DHX40: variants seen among roughly 807,000 people sequenced by gnomAD.
DHX40 encodes the protein DEAH-box helicase 40.
DHX40 carries 28 observed loss-of-function variants against 89.6 expected under a neutral mutation model. The ratio of observed to expected loss-of-function variants is 0.31; its 90% confidence interval spans 0.23 to 0.43. DHX40 has a LOEUF of 0.43. Among genes scored for constraint, DHX40 ranks in the 20% least tolerant of loss-of-function variants. The pLI, the probability that DHX40 is intolerant of heterozygous loss-of-function variation, is 1.00. For synonymous variants in DHX40, 226 were observed against 283.6 expected (o/e 0.80, Z 2.04); for missense variants, 457 against 844.0 (o/e 0.54, Z 5.68).
intron 12 of DHX40, among the ~76,000 whole-genome samples, chr17:59,594,654 T>G (rs1238403002): frequency 1.1e-4 from 16 of 151,406 alleles, no homozygotes; most frequent in Middle Eastern, 6.8e-3. Context: ...GAACTACCAC[T>G]GAGCTGCTGA....
chr17:59,600,216 T>C (rs1243602593), intron 14 of DHX40, among the ~76,000 whole-genome samples: 1 of 152,128 alleles, frequency 6.6e-6, no homozygotes, highest in Non-Finnish European at 1.5e-5. Context: ...CATGATACAG[T>C]AAGTCCTCAC....
chr17:59,602,852 G>A (rs1030458669), intron 15 of DHX40, among the ~76,000 whole-genome samples: 1 of 152,112 alleles, frequency 6.6e-6, no homozygotes, highest in African/African-American at 2.4e-5. Flanking sequence ...TGTCCAGCAT[G>A]GGTTATCTTC....
At chr17:59,594,251 A>G (rs1334127925) in intron 12 of DHX40, among the ~76,000 whole-genome samples, 1 of 151,930 alleles carries the variant, frequency 6.6e-6, no homozygotes, top group Admixed American at 6.6e-5. Flanking sequence ...GTTAGTCTCC[A>G]CTGATTGCTA....
rs908101099 is a variant in DHX40 at position 59,570,108 on chromosome 17, A to G, written c.281-410A>G. Reference sequence around the variant, plus strand: ...TATATAATATATAGTATATATTATAATATATTATAATGTATATTTATATAT... The same window carrying G: ...TATATAATATATAGTATATATTATAGTATATTATAATGTATATTTATATAT... On this transcript the variant is annotated intron_variant, in intron 2 of 17. Coordinates refer to ENST00000251241, the MANE Select transcript of DHX40 (RefSeq NM_024612.5). 2.2e-4 allele frequency among the ~76,000 whole-genome samples: 28 copies of G among 127,928 alleles called. 1 individual carries two copies. In the East Asian group the frequency reaches 5.7e-3, roughly 26 times the overall value. The allele number at this position is 127,928 out of a possible 152,430, so 83.9% of individuals were successfully genotyped here.
intron 12 of DHX40, among the ~76,000 whole-genome samples, chr17:59,588,915 C>T (rs73993982): frequency 0.057 from 8,634 of 152,072 alleles, 692 homozygotes; most frequent in African/African-American, 0.18. Context: ...ACAGTTGTTG[C>T]GGTACCATTT....
At position 59,607,075 on chromosome 17, in the gene DHX40, A is replaced by G; in HGVS notation, c.2243A>G (p.Asn748Ser). Residue 748 changes from asparagine to serine, a missense_variant, in exon 18 of 18, where the codon AAT becomes AGT. By Grantham distance (46) the Asn-to-Ser change is conservative (BLOSUM62 1). Transcript: ENST00000251241. ...GTCTTAAAGAAAATGCAAAGAAGAA[A>G]TGATGACAAATCCATATCTGATGCA... ...KDVLKKMQRRNDDKSISDARA... is the reference protein window; with the variant it reads ...KDVLKKMQRRSDDKSISDARA... 4.3e-6 allele frequency: 7 copies of G among 1,614,178 alleles called. No individual in the cohort carries two copies. The highest frequency in any genetic ancestry group is 5.1e-6 in the Non-Finnish European group (6 of 1,180,046).
intron 14 of DHX40, among the ~76,000 whole-genome samples, chr17:59,601,793 T>C (rs546279134): frequency 6.6e-6 from 1 of 152,248 alleles, no homozygotes; most frequent in Non-Finnish European, 1.5e-5. Context: ...CTTTGGTCTT[T>C]CTTGTTGGGT....
rs374274847 is a variant in DHX40, at chr17:59,605,612, G to C, written c.2138G>C (p.Arg713Pro). The stretch of plus-strand genomic sequence containing the variant: ...CATGATTTGAGCAGTGTGGCCCGAC[G>C]TGAAGTGAGAGAAGATGCAAGAAGG... ...NAHDLSSVARREVREDARRRW... is the reference protein window; with the variant it reads ...NAHDLSSVARPEVREDARRRW... The change falls in exon 17 of 18, where the codon CGT (arginine) becomes CCT (proline). Residue 713 changes from arginine (R) to proline (P), a missense_variant. This residue lies in a region of DHX40 where 120 missense variants were observed against 161.7 expected (regional missense o/e 0.74). Transcript: ENST00000251241. The C allele has an allele frequency of 6.2e-7, 1 of 1,614,076 alleles. No individual in the cohort carries two copies. Among genetic ancestry groups the C allele is most frequent in the Non-Finnish European group, 8.5e-7 (1 of 1,180,006 alleles).
intron 13 of DHX40, among the ~76,000 whole-genome samples, 182 bp downstream of exon 13, chr17:59,599,033 C>G (rs2030304332): frequency 6.6e-6 from 1 of 152,170 alleles, no homozygotes. Flanking sequence ...TATTATATAA[C>G]ATTGATTCTC....
chr17:59,580,806 G>A (rs1200701530), intron 10 of DHX40, among the ~76,000 whole-genome samples: 4 of 150,866 alleles, frequency 2.7e-5, no homozygotes, highest in African/African-American at 7.4e-5. Context: ...AGGGGGCTGG[G>A]CGTGGTGGCT....
intron 12 of DHX40, among the ~76,000 whole-genome samples, chr17:59,598,138 A>T (rs9899077): frequency 0.033 from 5,056 of 152,048 alleles, 262 homozygotes; most frequent in African/African-American, 0.11. Flanking sequence ...AATTGCTGGG[A>T]TTACAGGTGT....
At chr17:59,586,685 A>C (rs1046358218) in intron 11 of DHX40, among the ~76,000 whole-genome samples, 1 of 151,832 alleles carries the variant, frequency 6.6e-6, no homozygotes, top group Non-Finnish European at 1.5e-5. Flanking sequence ...AAAAGGAGAA[A>C]GAAACTGCAC....
At chr17:59,606,166 C>T (rs987100243) in intron 17 of DHX40, among the ~76,000 whole-genome samples, 1 of 152,048 alleles carries the variant, frequency 6.6e-6, no homozygotes, top group East Asian at 1.9e-4. Flanking sequence ...CTGCCTCAGC[C>T]TCCTGAGTAG....
intron 14 of DHX40, among the ~76,000 whole-genome samples, chr17:59,601,385 C>G (rs752100944): frequency 1.1e-4 from 16 of 151,996 alleles, no homozygotes; most frequent in Non-Finnish European, 1.9e-4. Flanking sequence ...TTCTCTGTTT[C>G]GTTATGAGTG....
At chr17:59,574,894 G>A (rs2048859607) in intron 6 of DHX40, among the ~76,000 whole-genome samples, 1 of 152,138 alleles carries the variant, frequency 6.6e-6, no homozygotes, top group Admixed American at 6.5e-5. Context: ...TCAAATAGCA[G>A]CACCCTCCTA....
At chr17:59,570,177 AAT>A (rs1201822620) in intron 2 of DHX40, among the ~76,000 whole-genome samples, 22 of 123,982 alleles carry the variant, frequency 1.8e-4, no homozygotes, top group African/African-American at 4.6e-4. Flanking sequence ...GTTATATATT[AAT>A]ATATATAATA....
Position 59,565,649 on chromosome 17 carries a change from C to A in DHX40, c.-23C>A, listed in dbSNP as rs773696788. ...ATCTCCTCAGATCGGTGGACGTGCT[C>A]GCCTCCACTCGGGGCCAGGTCTATG... is the stretch of plus-strand genomic sequence containing the variant. On this transcript the variant is annotated 5_prime_UTR_variant, in exon 1 of 18. Transcript: ENST00000251241. The A allele has an allele frequency of 5.7e-6, 9 of 1,589,566 alleles. No individual in the cohort carries two copies. Among genetic ancestry groups the A allele is most frequent in the Non-Finnish European group, 7.7e-6 (9 of 1,173,388 alleles).
Position 59,587,982 on chromosome 17 carries a change from C to T in DHX40, c.1511C>T (p.Ser504Phe), listed in dbSNP as rs562694135. 6.2e-7 allele frequency: 1 copy of T among 1,613,712 alleles called. No individual in the cohort carries two copies. Among genetic ancestry groups the T allele is most frequent in the African/African-American group, 1.3e-5 (1 of 74,920 alleles). ...HLTCAVIKAA[S>F]LDCEDLLLPI... is the part of the protein sequence containing the mutation. ...ACATGTGCAGTAATAAAAGCTGCTT[C>T]CCTGGATTGTGAAGATCTACTACTT... The change falls in exon 12 of 18, where the codon TCC becomes TTC. Residue 504 changes from serine (S) to phenylalanine (F), a missense_variant. This residue lies in a region of DHX40 where 19 missense variants were observed against 110.3 expected (regional missense o/e 0.17). Transcript: ENST00000251241.
Position 59,565,634 on chromosome 17 carries a change from A to T in DHX40, c.-38A>T, listed in dbSNP as rs547699017. The T allele has an allele frequency of 1.2e-4, 189 of 1,573,346 alleles. 1 individual carries two copies. In the South Asian group the frequency reaches 2.0e-3, roughly 17 times the overall value. Reference sequence around the variant, plus strand: ...CGTCTTTCCCCTCCCATCTCCTCAGATCGGTGGACGTGCTCGCCTCCACTC... The same window carrying T: ...CGTCTTTCCCCTCCCATCTCCTCAGTTCGGTGGACGTGCTCGCCTCCACTC... On this transcript the variant is annotated 5_prime_UTR_variant, in exon 1 of 18. Transcript: ENST00000251241.
Sources: allele counts gnomAD v4.1 joint callset (sites outside exome capture counted in the v4.1 genomes callset), GRCh38; gene constraint gnomAD v4.1.1; regional missense constraint gnomAD v4.1.1; transcripts MANE v1.5; gene names NCBI Gene and HGNC (gene_info 2026-07-23, HGNC 2026-07-21).